The following RPS17 variants were observed in gnomAD, a reference collection of about 807,000 sequenced individuals.
RPS17 encodes the protein ribosomal protein S17, also known as small ribosomal subunit protein eS17.
For missense variants in RPS17, 68 were observed against 182.3 expected (o/e 0.37, Z 3.61); for synonymous variants, 75 against 65.6 (o/e 1.14, Z -0.70).
chr15:82,539,819 A>C, intron 2 of RPS17, 162 bp downstream of exon 2: 1 of 1,306,798 alleles, frequency 7.7e-7, no homozygotes. Flanking sequence ...GCCTAAGTTC[A>C]CAACAGAAAT....
At chr15:82,539,091 AGT>A (rs2034293515) in intron 2 of RPS17, 106 bp from the exon 3 acceptor site, 1 of 1,152,092 alleles carries the variant, frequency 8.7e-7, no homozygotes, top group African/African-American at 1.5e-5. Context: ...TCTTTTCCAC[AGT>A]GAGAAGGAAG....
chr15:82,540,039 G>A lies in RPS17; in HGVS notation c.97C>T (p.Arg33Cys), dbSNP rs11552835. The A allele has an allele frequency of 5.6e-6, 9 of 1,612,502 alleles. No homozygotes were observed. In the African/African-American group the frequency reaches 1.1e-4, roughly 19 times the overall value. Reference sequence around the variant, plus strand: ...ATAATGGCGATCTCCTCGCACACGCGCTTGTTCGTGTGGAAGTCGTTGCCC... The same window carrying A: ...ATAATGGCGATCTCCTCGCACACGCACTTGTTCGTGTGGAAGTCGTTGCCC... ...RLGNDFHTNKRVCEEIAIIPS... is the reference protein window; with the variant it reads ...RLGNDFHTNKCVCEEIAIIPS... Residue 33 changes from arginine to cysteine, a missense_variant, in exon 2 of 5, where the codon CGC (arginine) becomes TGC (cysteine). Transcript: ENST00000647841.
chr15:82,536,770 A>C lies in RPS17; in HGVS notation c.*31T>G, dbSNP rs1171317148. ...CAGGCAAGGCTGTTGTCCCAGATTT[A>C]TTGAAAATAATACAGCACTACAGAA... On this transcript the variant is annotated 3_prime_UTR_variant, in exon 5 of 5. Transcript: ENST00000647841. 10 of 1,613,022 alleles carry C rather than the reference A, an allele frequency of 6.2e-6. No homozygotes were observed. In the African/African-American group the frequency reaches 6.7e-5, roughly 11 times the overall value.
rs1185975593 is a variant in RPS17 at position 82,539,712 on chromosome 15, GA to G, written c.155+268del. On this transcript the variant is annotated intron_variant, in intron 2 of 4. Transcript: ENST00000647841. Reference sequence around the variant, plus strand: ...TCAAAAAAAAAAGAAAAAAAAGAAAGAAAAAAGTTGACAACTAAAAGCAACG... The same window carrying G: ...TCAAAAAAAAAAGAAAAAAAAGAAAGAAAAAGTTGACAACTAAAAGCAACG... 1,831 of 601,226 alleles carry G rather than the reference GA, an allele frequency of 3.0e-3. 24 individuals are homozygous for G. The highest frequency in any genetic ancestry group is 0.029 in the African/African-American group (1,584 of 53,770). The allele number at this position is 601,226 out of a possible 1,614,324, so 37.2% of individuals were successfully genotyped here.
chr15:82,537,795 A>G, intron 4 of RPS17: 1 of 444,448 alleles, frequency 2.2e-6, no homozygotes, highest in Non-Finnish European at 4.5e-6. Flanking sequence ...GTTGTTCAAA[A>G]TCACCAACCG....
chr15:82,539,068 T>G, intron 2 of RPS17, 83 bp from the exon 3 acceptor site: 3 of 1,306,194 alleles, frequency 2.3e-6, no homozygotes, highest in Non-Finnish European at 3.3e-6. Flanking sequence ...CATATATAAA[T>G]ACCCGCTTTA....
At position 82,537,307 on chromosome 15, in the gene RPS17, G is replaced by A. The variant is rs920651578; in HGVS notation, c.328-426C>T. The A allele has an allele frequency of 2.9e-4, 86 of 294,054 alleles. 1 individual carries two copies. In the East Asian group the frequency reaches 6.6e-3, roughly 22 times the overall value. 18.2% of individuals were successfully genotyped at this position (294,054 alleles called of 1,614,324 possible). Reference sequence around the variant, plus strand: ...CCTTAGAAGTTAGCAGGTATCCCCTGGCTATGAGAACGAAAAATGTGTCTG... The same window carrying A: ...CCTTAGAAGTTAGCAGGTATCCCCTAGCTATGAGAACGAAAAATGTGTCTG... On this transcript the variant is annotated intron_variant, in intron 4 of 4. Transcript: ENST00000647841.
chr15:82,539,587 GC>G (rs1490748976), intron 2 of RPS17: 1 of 418,896 alleles, frequency 2.4e-6, no homozygotes, highest in Admixed American at 2.8e-5. Flanking sequence ...TACTGGGAAG[GC>G]TGAGGCATGA....
chr15:82,538,081 G>C, intron 4 of RPS17: 1 of 599,376 alleles, frequency 1.7e-6, no homozygotes, highest in Non-Finnish European at 3.2e-6. Context: ...GAGAGAAAAG[G>C]TGTCCTGGAA....
intron 4 of RPS17, 116 bp downstream of exon 4, chr15:82,538,190 A>G: frequency 1.7e-6 from 2 of 1,143,292 alleles, no homozygotes; most frequent in Non-Finnish European, 2.6e-6. Flanking sequence ...AGTGGCTACA[A>G]GTTTAGATGG....
chr15:82,537,810 T>C (rs2034267076), intron 4 of RPS17: 4 of 451,866 alleles, frequency 8.9e-6, no homozygotes, highest in South Asian at 4.7e-5. Flanking sequence ...CAACCGCCCA[T>C]GAAGCCCATG....
chr15:82,537,712 A>C, intron 4 of RPS17: 1 of 381,954 alleles, frequency 2.6e-6, no homozygotes, highest in Admixed American at 3.3e-5. Context: ...GGGAAAGTAC[A>C]TGTGAGTTCA....
intron 2 of RPS17, 70 bp from the exon 3 acceptor site, chr15:82,539,055 G>T: frequency 6.8e-7 from 1 of 1,473,760 alleles, no homozygotes; most frequent in Non-Finnish European, 9.5e-7. Flanking sequence ...CTGAGCACAT[G>T]TGCATATATA....
intron 2 of RPS17, 34 bp downstream of exon 2, chr15:82,539,947 C>T: frequency 1.2e-6 from 2 of 1,611,960 alleles, no homozygotes; most frequent in Non-Finnish European, 1.7e-6. Flanking sequence ...AAACAGATCG[C>T]GGAGCCCCGG....
rs1276183491 is a variant in RPS17 at position 82,538,743 on chromosome 15, C to A, written c.261+137G>T. Reference sequence around the variant, plus strand: ...TGGAGGCTAAGAAACTGGTAGGGGGCCTATGGGCACCCACAGCTGGTTATG... The same window carrying A: ...TGGAGGCTAAGAAACTGGTAGGGGGACTATGGGCACCCACAGCTGGTTATG... On this transcript the variant is annotated intron_variant, in intron 3 of 4. Transcript: ENST00000647841. 1.4e-5 allele frequency: 13 copies of A among 902,526 alleles called. No homozygotes were observed. In the East Asian group the frequency reaches 1.4e-4, roughly 10 times the overall value. 55.9% of individuals were successfully genotyped at this position (902,526 alleles called of 1,614,324 possible). A position where few individuals can be genotyped will look rare whatever the true frequency, so the allele number is the denominator to read the frequency against.
chr15:82,539,810 CCTAA>C (rs1351540185), intron 2 of RPS17, 167 bp downstream of exon 2: 1 of 1,212,756 alleles, frequency 8.2e-7, no homozygotes, highest in African/African-American at 1.5e-5. Flanking sequence ...ATGACACAGG[CCTAA>C]GTTCACAACA....
intron 1 of RPS17, 26 bp from the exon 2 acceptor site, chr15:82,540,158 T>C: frequency 1.2e-6 from 2 of 1,613,594 alleles, no homozygotes; most frequent in Non-Finnish European, 1.7e-6. Context: ...ACAGGATCAC[T>C]CACGAGCCAG....
At chr15:82,540,274 G>A (rs2150888955) in intron 1 of RPS17, 142 bp from the exon 2 acceptor site, 2 of 1,598,310 alleles carry the variant, frequency 1.3e-6, no homozygotes, top group South Asian at 2.2e-5. Flanking sequence ...CCGGGCGCCG[G>A]GCTTAATGCG....
chr15:82,540,444 G>A lies in RPS17; in HGVS notation c.-16C>T. The A allele has an allele frequency of 6.3e-7, 1 of 1,592,232 alleles. No individual in the cohort carries two copies. The highest frequency in any genetic ancestry group is 8.5e-7 in the Non-Finnish European group (1 of 1,170,666). ...CACCTACCATGTTGGCGGGTCCTTG[G>A]TAAAAGAGGAAACAGGAAGCACAGG... On this transcript the variant is annotated 5_prime_UTR_variant, in exon 1 of 5. Coordinates refer to ENST00000647841, the MANE Select transcript of RPS17 (RefSeq NM_001021.6).
Sources: gnomAD v4.1 joint callset for allele counts on GRCh38, gnomAD v4.1.1 for gene constraint, MANE v1.5 for transcripts, NCBI Gene and HGNC (gene_info 2026-07-23, HGNC 2026-07-21) for gene names.